The following RERE variants were observed in gnomAD, a reference collection of about 807,000 sequenced individuals.
RERE encodes the protein arginine-glutamic acid dipeptide repeats, also known as arginine-glutamic acid dipeptide repeats protein.
RERE carries 40 observed loss-of-function variants against 146.1 expected under a neutral mutation model. The ratio of observed to expected loss-of-function variants is 0.27; its 90% confidence interval spans 0.21 to 0.36. RERE has a LOEUF of 0.36. Ranked by LOEUF, RERE falls within the 10% of genes least tolerant of loss-of-function variation. RERE has a pLI of 1.00. For missense variants in RERE, 1,933 were observed against 2,138.7 expected, an observed-to-expected ratio of 0.90 and a Z score of 1.90; for synonymous variants, 1,003 against 866.0, an observed-to-expected ratio of 1.16 and a Z score of -2.78.
intron 4 of RERE, among the ~76,000 whole-genome samples, chr1:8,573,115 TTTATCTTTC>T (rs1646242533): frequency 6.6e-6 from 1 of 152,236 alleles, no homozygotes; most frequent in African/African-American, 2.4e-5. Context: ...ACTTTCTTGC[TTTATCTTTC>T]TTATTTTTCT....
intron 6 of RERE, among the ~76,000 whole-genome samples, chr1:8,545,980 G>GTTTTTTTTTTTTTTTT (rs1480930167): frequency 1.3e-5 from 1 of 75,376 alleles, no homozygotes; most frequent in African/African-American, 5.9e-5. Context: ...ACCATACCCA[G>GTTTTTTTTTTTTTTTT]TCTTTTTTTT....
intron 1 of RERE, among the ~76,000 whole-genome samples, chr1:8,782,169 T>C (rs1287367196): frequency 2.0e-5 from 3 of 152,154 alleles, no homozygotes; most frequent in African/African-American, 7.2e-5. Flanking sequence ...CTTGCCAAGA[T>C]CATCTGTCCA....
intron 2 of RERE, among the ~76,000 whole-genome samples, chr1:8,628,376 A>T (rs1646998777): frequency 6.6e-6 from 1 of 152,224 alleles, no homozygotes; most frequent in African/African-American, 2.4e-5. Flanking sequence ...GTTTCACACT[A>T]TGTAAAACTT....
At chr1:8,808,147 C>CAA (rs778069782) in intron 1 of RERE, among the ~76,000 whole-genome samples, 773 of 51,580 alleles carry the variant, frequency 0.015, 11 homozygotes, top group African/African-American at 0.037. Context: ...GACCTTGTCT[C>CAA]AAAAAAAAAA....
chr1:8,809,258 G>A (rs1224955612), intron 1 of RERE, among the ~76,000 whole-genome samples: 2 of 151,340 alleles, frequency 1.3e-5, no homozygotes, highest in African/African-American at 2.4e-5. Context: ...CAGTAAGGTA[G>A]TATTTGTGTA....
intron 1 of RERE, among the ~76,000 whole-genome samples, chr1:8,770,590 C>A (rs1640930068): frequency 6.6e-6 from 1 of 152,172 alleles, no homozygotes; most frequent in Non-Finnish European, 1.5e-5. Flanking sequence ...CCATGAAGAA[C>A]AAGGGAAGGG....
intron 8 of RERE, among the ~76,000 whole-genome samples, chr1:8,506,665 T>C (rs776638453): frequency 3.3e-5 from 5 of 152,166 alleles, no homozygotes; most frequent in Non-Finnish European, 7.3e-5. Flanking sequence ...TCTTTCCTCA[T>C]GGTTTAGAAA....
At chr1:8,472,996 G>A (rs956800798) in intron 10 of RERE, among the ~76,000 whole-genome samples, 2 of 152,086 alleles carry the variant, frequency 1.3e-5, no homozygotes, top group African/African-American at 4.8e-5. Context: ...TTAAGACCTA[G>A]GATTTATGAT....
chr1:8,555,610 AC>A lies in RERE; in HGVS notation c.725+864del, dbSNP rs1324227275. Reference sequence around the variant, plus strand: ...TGTTAAAACCATATTACAGTACTTAACAAAAAAAAAGTAGTCTTTCACCACT... The same window carrying A: ...TGTTAAAACCATATTACAGTACTTAAAAAAAAAAAGTAGTCTTTCACCACT... On this transcript the variant is annotated intron_variant, in intron 6 of 22. Coordinates refer to ENST00000400908, the MANE Select transcript of RERE (RefSeq NM_001042681.2). Among the ~76,000 whole-genome samples, 13 of 152,344 alleles carry A rather than the reference AC, an allele frequency of 8.5e-5. No individual in the cohort carries two copies. In the South Asian group the frequency reaches 2.5e-3, roughly 29 times the overall value.
chr1:8,560,052 A>G (rs1366910060), intron 4 of RERE, among the ~76,000 whole-genome samples: 2 of 152,236 alleles, frequency 1.3e-5, no homozygotes, highest in Admixed American at 6.5e-5. Context: ...GCAGGATAAT[A>G]AAAAGCAGGA....
At chr1:8,450,753 TCA>T (rs1432403494) in intron 11 of RERE, among the ~76,000 whole-genome samples, 3 of 152,190 alleles carry the variant, frequency 2.0e-5, no homozygotes, top group African/African-American at 7.2e-5. Flanking sequence ...GGTTCCCCCA[TCA>T]CAGTGTCAAC....
At chr1:8,698,279 C>A (rs1426784946) in intron 1 of RERE, among the ~76,000 whole-genome samples, 1 of 152,112 alleles carries the variant, frequency 6.6e-6, no homozygotes, top group Non-Finnish European at 1.5e-5. Flanking sequence ...ACTAAGAAAT[C>A]CTGAAGAACA....
chr1:8,671,014 T>C (rs995689334), intron 1 of RERE, among the ~76,000 whole-genome samples: 80 of 152,134 alleles, frequency 5.3e-4, no homozygotes, highest in African/African-American at 1.8e-3. Context: ...AAGGTTTAAA[T>C]CCAAGCAACT....
intron 4 of RERE, among the ~76,000 whole-genome samples, chr1:8,573,323 C>T (rs1392686456): frequency 2.6e-5 from 4 of 152,016 alleles, no homozygotes; most frequent in Admixed American, 6.6e-5. Context: ...GTACTTCATG[C>T]TTTTACTTAA....
chr1:8,514,482 C>A lies in RERE; in HGVS notation c.831-5807G>T, dbSNP rs539461994. 6.7e-4 allele frequency among the ~76,000 whole-genome samples: 102 copies of A among 152,248 alleles called. 1 individual carries two copies. Among genetic ancestry groups the A allele is most frequent in the African/African-American group, 6.0e-4 (25 of 41,556 alleles). On this transcript the variant is annotated intron_variant, in intron 7 of 22. Transcript: ENST00000400908. ...AGGTGGCTCACGCCTGTAATCACAGCATTTTGGGAGGCCGAGGCAGGTGGA... is the reference window on the plus strand; with the variant it reads ...AGGTGGCTCACGCCTGTAATCACAGAATTTTGGGAGGCCGAGGCAGGTGGA...
intron 12 of RERE, among the ~76,000 whole-genome samples, chr1:8,409,978 T>TC (rs1643567589): frequency 6.8e-6 from 1 of 148,068 alleles, no homozygotes; most frequent in Non-Finnish European, 1.5e-5. Flanking sequence ...GCAATTTTTT[T>TC]TTTTTTTTTT....
At chr1:8,545,560 T>C (rs1477904945) in intron 6 of RERE, among the ~76,000 whole-genome samples, 1 of 152,074 alleles carries the variant, frequency 6.6e-6, no homozygotes, top group East Asian at 1.9e-4. Context: ...CAGGACAACG[T>C]GCACGAGCAC....
intron 12 of RERE, among the ~76,000 whole-genome samples, chr1:8,383,124 T>A (rs1179610573): frequency 6.6e-6 from 1 of 151,942 alleles, no homozygotes; most frequent in Non-Finnish European, 1.5e-5. Context: ...AAGAGAATGT[T>A]AGAGATGGTG....
intron 9 of RERE, among the ~76,000 whole-genome samples, chr1:8,495,532 G>C (rs751032164): frequency 1.3e-5 from 2 of 152,152 alleles, no homozygotes; most frequent in African/African-American, 2.4e-5. Flanking sequence ...GGCTGGTCTC[G>C]AACTCCTGAC....
Sources: allele counts gnomAD v4.1 joint callset (sites outside exome capture counted in the v4.1 genomes callset), GRCh38; gene constraint gnomAD v4.1.1; transcripts MANE v1.5; gene names NCBI Gene and HGNC (gene_info 2026-07-23, HGNC 2026-07-21).